VGLL2: variants seen among roughly 807,000 people sequenced by gnomAD.
The protein encoded by VGLL2 is vestigial like family member 2, also known as transcription cofactor vestigial-like protein 2.
VGLL2 carries 18 observed loss-of-function variants against 27.0 expected under a neutral mutation model. That is an observed-to-expected ratio of 0.67 (90% CI 0.46 to 0.99). The LOEUF is 0.99. VGLL2 is among the 50% of genes least tolerant of loss of function. The probability of loss-of-function intolerance (pLI) is 0.00; values close to 1 mark genes in which losing one functional copy is unlikely to be tolerated. For synonymous variants in VGLL2, 220 were observed against 201.1 expected (o/e 1.09, Z -0.80); for missense variants, 491 against 452.3 (o/e 1.09, Z -0.78).
In VGLL2 at chr6:117,265,719, G is replaced by A. The variant is rs780361300; in HGVS notation, c.-45G>A. 3.9e-6 allele frequency: 6 copies of A among 1,554,796 alleles called. No individual in the cohort carries two copies. The East Asian group carries it at 9.0e-5, about 23-fold the overall frequency. ...GCAGCACCCCTGAGCTCCGGGGAAG[G>A]AGAGTTAATGAAAAAACACTTAACC... On this transcript the variant is annotated 5_prime_UTR_variant, in exon 1 of 4. Transcript: ENST00000326274.
At chr6:117,271,296 A>AAATAATAATAATAATAAT (rs200440828) in intron 3 of VGLL2, among the ~76,000 whole-genome samples, 2 of 144,400 alleles carry the variant, frequency 1.4e-5, no homozygotes, top group African/African-American at 5.2e-5. Flanking sequence ...AGGACTTTTA[A>AAATAATAATAATAATAAT]AATAATAATA....
intron 3 of VGLL2, among the ~76,000 whole-genome samples, chr6:117,272,140 T>C (rs1773215666): frequency 6.7e-6 from 1 of 148,400 alleles, no homozygotes; most frequent in Non-Finnish European, 1.5e-5. Flanking sequence ...CTTAAATATC[T>C]TGTGCCTTCC....
intron 1 of VGLL2, 97 bp from the exon 2 acceptor site, chr6:117,268,085 C>A (rs1773104939): frequency 2.3e-6 from 3 of 1,292,884 alleles, no homozygotes; most frequent in Non-Finnish European, 2.2e-6. Flanking sequence ...CCAGTTTCCC[C>A]ATAAATACCT....
chr6:117,267,062 T>C (rs1407154340), intron 1 of VGLL2, among the ~76,000 whole-genome samples: 1 of 152,162 alleles, frequency 6.6e-6, no homozygotes, highest in Admixed American at 6.5e-5. Flanking sequence ...ATTTCAAACC[T>C]TTTGGCTCCA....
chr6:117,271,771 T>G (rs1773206527), intron 3 of VGLL2, among the ~76,000 whole-genome samples: 1 of 152,210 alleles, frequency 6.6e-6, no homozygotes, highest in African/African-American at 2.4e-5. Flanking sequence ...AAGAAAAATG[T>G]GATCCTGGTA....
chr6:117,272,834 C>A lies in VGLL2; in HGVS notation c.*340C>A. ...CTTTTTGGTGTGAATATTTTTTATG[C>A]TGATGTGAATTATTTTGTTAGGTAG... is the stretch of plus-strand genomic sequence containing the variant. On this transcript the variant is annotated 3_prime_UTR_variant, in exon 4 of 4. Transcript: ENST00000326274. 2.7e-6 allele frequency: 1 copy of A among 373,732 alleles called. No individual in the cohort carries two copies. Among genetic ancestry groups the A allele is most frequent in the Non-Finnish European group, 4.8e-6 (1 of 206,276 alleles). 23.2% of individuals were successfully genotyped at this position (373,732 alleles called of 1,614,324 possible). A position where few individuals can be genotyped will look rare whatever the true frequency, so the allele number is the denominator to read the frequency against.
chr6:117,269,303 G>C (rs1773131827), intron 2 of VGLL2, among the ~76,000 whole-genome samples: 1 of 152,004 alleles, frequency 6.6e-6, no homozygotes, highest in South Asian at 2.1e-4. Flanking sequence ...AACAAAGGTG[G>C]GGGAACCATT....
At position 117,273,094 on chromosome 6, in the gene VGLL2, G is replaced by A. The variant is rs1773236008; in HGVS notation, c.*600G>A. ...AATGTGAGTGGCAAGTGGCTTATCT[G>A]GAGCCACCTGCCCAAGTCTTACTAA... is the stretch of plus-strand genomic sequence containing the variant. On this transcript the variant is annotated 3_prime_UTR_variant, in exon 4 of 4. Coordinates refer to ENST00000326274, the MANE Select transcript of VGLL2 (RefSeq NM_182645.3). 1 of 152,768 alleles carries A rather than the reference G, an allele frequency of 6.5e-6. No individual in the cohort carries two copies. The highest frequency in any genetic ancestry group is 1.5e-5 in the Non-Finnish European group (1 of 68,250). The allele number at this position is 152,768 out of a possible 1,614,324, so 9.5% of individuals were successfully genotyped here.
rs748954864 is a variant in VGLL2 at position 117,265,863 on chromosome 6, G to A, written c.81+19G>A. 3.1e-6 allele frequency: 5 copies of A among 1,612,058 alleles called. No homozygotes were observed. In the African/African-American group the frequency reaches 6.7e-5, roughly 22 times the overall value. On this transcript the variant is annotated intron_variant, in intron 1 of 3. Transcript: ENST00000326274. ...CCACCAGGTACGTGTCTCCTCTGGGGACTTTGGGAAGGAGTGCGCGCCCCC... is the reference window on the plus strand; with the variant it reads ...CCACCAGGTACGTGTCTCCTCTGGGAACTTTGGGAAGGAGTGCGCGCCCCC...
At position 117,270,578 on chromosome 6, in the gene VGLL2, G is replaced by A; in HGVS notation, c.427G>A (p.Ala143Thr). ...CCCGATGAGCCAGCGCAGCTTCCCC[G>A]CCTCCTTCTGGAATAGCGCGTACCA... ...SFPMSQRSFPASFWNSAYQAP... is the reference protein window; with the variant it reads ...SFPMSQRSFPTSFWNSAYQAP... Residue 143 changes from alanine (A) to threonine (T), a missense_variant, in exon 3 of 4, where the codon GCC becomes ACC. By Grantham distance (58) the Ala-to-Thr change is moderately conservative (BLOSUM62 0). Transcript: ENST00000326274. 1 of 1,597,948 alleles carries A rather than the reference G, an allele frequency of 6.3e-7. No homozygotes were observed. The highest frequency in any genetic ancestry group is 1.7e-5 in the Admixed American group (1 of 59,208).
chr6:117,269,693 A>G (rs763510431), intron 2 of VGLL2, among the ~76,000 whole-genome samples: 50 of 152,148 alleles, frequency 3.3e-4, no homozygotes, highest in Non-Finnish European at 3.4e-4. Context: ...CCTTCTTACT[A>G]ATGGCAACAA....
At chr6:117,271,874 T>C (rs1319752415) in intron 3 of VGLL2, among the ~76,000 whole-genome samples, 1 of 152,236 alleles carries the variant, frequency 6.6e-6, no homozygotes, top group East Asian at 1.9e-4. Context: ...GCTTAAAGTA[T>C]TTGCAACGTA....
At position 117,268,575 on chromosome 6, in the gene VGLL2, C is replaced by T. The variant is rs1227861121; in HGVS notation, c.391+84C>T. 7 of 1,381,338 alleles carry T rather than the reference C, an allele frequency of 5.1e-6. No individual in the cohort carries two copies. The South Asian group carries it at 6.0e-5, about 12-fold the overall frequency. The allele number at this position is 1,381,338 out of a possible 1,614,324, so 85.6% of individuals were successfully genotyped here. A position where few individuals can be genotyped will look rare whatever the true frequency, so the allele number is the denominator to read the frequency against. ...CCTACAGGAGCCTAAAAACATGCAG[C>T]TGAAAAGAATATTAGGTGTCAGAGA... On this transcript the variant is annotated intron_variant, in intron 2 of 3. Coordinates refer to ENST00000326274, the MANE Select transcript of VGLL2 (RefSeq NM_182645.3).
Position 117,265,809 on chromosome 6 carries a change from C to T in VGLL2, c.46C>T (p.Pro16Ser). 1.9e-6 allele frequency: 3 copies of T among 1,614,208 alleles called. No homozygotes were observed. Among genetic ancestry groups the T allele is most frequent in the South Asian group, 2.2e-5 (2 of 91,088 alleles). Residue 16 changes from proline to serine, a missense_variant, in exon 1 of 4, where the codon CCC (proline) becomes TCC (serine). By Grantham distance (74) the Pro-to-Ser change is moderately conservative. Transcript: ENST00000326274. ...GTACCAAGTCTATGGTCCTCCGCAG[C>T]CCTACTTCGCAGCCGCCTACACCCC... Reference protein sequence around the residue: ...VMYQVYGPPQPYFAAAYTPYH... With the variant: ...VMYQVYGPPQSYFAAAYTPYH...
Position 117,268,671 on chromosome 6 carries a change from C to G in VGLL2, c.391+180C>G, listed in dbSNP as rs547377157. The stretch of plus-strand genomic sequence containing the variant: ...TAAAGGGCATGGATATAAGAAAAAA[C>G]TCCTTGGAAAAAACACTATCCTTGG... On this transcript the variant is annotated intron_variant, in intron 2 of 3. Coordinates refer to ENST00000326274, the MANE Select transcript of VGLL2 (RefSeq NM_182645.3). Among the ~76,000 whole-genome samples the G allele has an allele frequency of 2.6e-5, 4 of 152,258 alleles. No individual in the cohort carries two copies. In the East Asian group the frequency reaches 7.7e-4, roughly 29 times the overall value.
chr6:117,272,891 A>C lies in VGLL2; in HGVS notation c.*397A>C. The C allele has an allele frequency of 4.5e-6, 1 of 221,282 alleles. No individual in the cohort carries two copies. Among genetic ancestry groups the C allele is most frequent in the Non-Finnish European group, 8.9e-6 (1 of 112,664 alleles). 13.7% of individuals were successfully genotyped at this position (221,282 alleles called of 1,614,324 possible). ...TATAGCACTACTACTGTCAGATTTT[A>C]AATTGTATGTGTACTTGCATCTAAG... On this transcript the variant is annotated 3_prime_UTR_variant, in exon 4 of 4. Transcript: ENST00000326274.
chr6:117,267,045 C>T (rs560652065), intron 1 of VGLL2, among the ~76,000 whole-genome samples: 1 of 152,014 alleles, frequency 6.6e-6, no homozygotes, highest in African/African-American at 2.4e-5. Flanking sequence ...TCGTTTTGTC[C>T]CCAATTATTT....
intron 3 of VGLL2, among the ~76,000 whole-genome samples, chr6:117,271,903 CT>C (rs1162068835): frequency 6.6e-6 from 1 of 152,128 alleles, no homozygotes; most frequent in Non-Finnish European, 1.5e-5. Flanking sequence ...TAAGGGCTTG[CT>C]TTTTTGCCTT....
Position 117,268,284 on chromosome 6 carries a change from A to G in VGLL2, c.184A>G (p.Ser62Gly), listed in dbSNP as rs1773111478. ...CTCATTTTCCAGCCAAACCCCAGCC[A>G]GTATAAAAGAGGAAGAAGGCAGCCC... ...SSSFSSQTPA[S>G]IKEEEGSPEK... The change falls in exon 2 of 4, where the codon AGT (serine) becomes GGT (glycine). Residue 62 changes from serine to glycine, a missense_variant. Transcript: ENST00000326274. 1 of 1,614,194 alleles carries G rather than the reference A, an allele frequency of 6.2e-7. No homozygotes were observed. The highest frequency in any genetic ancestry group is 1.7e-4 in the Middle Eastern group (1 of 6,060).
Sources: gnomAD v4.1 joint callset for allele counts (sites outside exome capture counted in the v4.1 genomes callset) on GRCh38, gnomAD v4.1.1 for gene constraint, MANE v1.5 for transcripts, NCBI Gene and HGNC (gene_info 2026-07-23, HGNC 2026-07-21) for gene names.